EFNA5: variants seen among roughly 807,000 people sequenced by gnomAD.
EFNA5 encodes ephrin A5.
Under a neutral mutation model 22.9 loss-of-function variants are expected in EFNA5, and 5 were observed. The ratio of observed to expected loss-of-function variants is 0.22; its 90% confidence interval spans 0.11 to 0.46. EFNA5 has a LOEUF of 0.46. Among genes scored for constraint, EFNA5 ranks in the 20% least tolerant of loss-of-function variants. The pLI, the probability that EFNA5 is intolerant of heterozygous loss-of-function variation, is 0.99. For missense variants in EFNA5, 237 were observed against 293.3 expected, an observed-to-expected ratio of 0.81 and a Z score of 1.40; for synonymous variants, 113 against 112.2, an observed-to-expected ratio of 1.01 and a Z score of -0.04.
chr5:107,640,634 T>TCC (rs2112543734), intron 1 of EFNA5, among the ~76,000 whole-genome samples: 1 of 152,330 alleles, frequency 6.6e-6, no homozygotes, highest in African/African-American at 2.4e-5. Flanking sequence ...AGAGAGATCA[T>TCC]TCAGCTTCAC....
intron 1 of EFNA5, among the ~76,000 whole-genome samples, chr5:107,465,179 A>T (rs746517718): frequency 6.6e-6 from 1 of 152,002 alleles, no homozygotes; most frequent in Non-Finnish European, 1.5e-5. Context: ...GTGTGACCCA[A>T]TTTATGACTT....
At chr5:107,568,191 C>G (rs912203873) in intron 1 of EFNA5, among the ~76,000 whole-genome samples, 3 of 152,182 alleles carry the variant, frequency 2.0e-5, no homozygotes. Context: ...GCCACTGTGC[C>G]TGGCCTATAT....
intron 1 of EFNA5, among the ~76,000 whole-genome samples, chr5:107,609,681 C>A (rs142052528): frequency 6.6e-6 from 1 of 152,212 alleles, no homozygotes; most frequent in African/African-American, 2.4e-5. Flanking sequence ...CGGATCTCTG[C>A]TAAAATTGTT....
At chr5:107,469,056 A>G (rs1750067311) in intron 1 of EFNA5, among the ~76,000 whole-genome samples, 1 of 152,210 alleles carries the variant, frequency 6.6e-6, no homozygotes, top group African/African-American at 2.4e-5. Flanking sequence ...AGTGCTTAGC[A>G]TTTTGAATTT....
chr5:107,649,005 A>C (rs897589987), intron 1 of EFNA5, among the ~76,000 whole-genome samples: 1 of 152,134 alleles, frequency 6.6e-6, no homozygotes, highest in Non-Finnish European at 1.5e-5. Flanking sequence ...GTTGAAAATG[A>C]CCTCCCAGAA....
chr5:107,402,024 CT>C (rs1748099810), intron 2 of EFNA5, among the ~76,000 whole-genome samples: 1 of 152,196 alleles, frequency 6.6e-6, no homozygotes, highest in Non-Finnish European at 1.5e-5. Context: ...GAAAAAGGCA[CT>C]TCATAAAAGC....
At chr5:107,443,145 A>G (rs942195619) in intron 1 of EFNA5, among the ~76,000 whole-genome samples, 12 of 152,194 alleles carry the variant, frequency 7.9e-5, no homozygotes, top group African/African-American at 2.9e-4. Flanking sequence ...ATCGACCAGC[A>G]ACACAAATGA....
chr5:107,452,967 TTTC>T, intron 1 of EFNA5, among the ~76,000 whole-genome samples: 2 of 152,296 alleles, frequency 1.3e-5, no homozygotes, highest in South Asian at 4.1e-4. Flanking sequence ...GATTTCTTTC[TTTC>T]TTCTTTTTAA....
intron 1 of EFNA5, among the ~76,000 whole-genome samples, chr5:107,561,115 G>C (rs1334348497): frequency 3.3e-5 from 5 of 152,066 alleles, no homozygotes; most frequent in Admixed American, 3.3e-4. Context: ...CCTCTTTACA[G>C]GCCTGATGAG....
chr5:107,398,676 G>A (rs935724586), intron 2 of EFNA5, among the ~76,000 whole-genome samples: 1 of 151,578 alleles, frequency 6.6e-6, no homozygotes, highest in African/African-American at 2.4e-5. Flanking sequence ...GCAAGACCCT[G>A]TCTCTATATA....
chr5:107,442,940 A>C (rs529276317), intron 1 of EFNA5, among the ~76,000 whole-genome samples: 3 of 151,720 alleles, frequency 2.0e-5, no homozygotes, highest in East Asian at 3.9e-4. Flanking sequence ...AAAAAAAAAA[A>C]AAAAAAAAAA....
intron 1 of EFNA5, among the ~76,000 whole-genome samples, chr5:107,514,420 T>C (rs1747435078): frequency 6.6e-6 from 1 of 152,202 alleles, no homozygotes; most frequent in African/African-American, 2.4e-5. Context: ...TACTGTTTCA[T>C]GTGAACTGAT....
intron 1 of EFNA5, among the ~76,000 whole-genome samples, chr5:107,492,218 T>G (rs1029898947): frequency 2.6e-5 from 4 of 152,174 alleles, no homozygotes; most frequent in African/African-American, 7.2e-5. Flanking sequence ...TTATTCAGTC[T>G]TATAAAGTTA....
intron 2 of EFNA5, among the ~76,000 whole-genome samples, chr5:107,408,938 A>C (rs181441904): frequency 1.8e-4 from 27 of 152,374 alleles, no homozygotes; most frequent in African/African-American, 6.0e-4. Context: ...CTGAAGAAAG[A>C]AGCAAAAGGT....
intron 2 of EFNA5, among the ~76,000 whole-genome samples, chr5:107,414,235 T>C (rs1373809192): frequency 6.6e-6 from 1 of 152,186 alleles, no homozygotes; most frequent in Non-Finnish European, 1.5e-5. Flanking sequence ...GATCACGAAA[T>C]TTGGGATAGC....
intron 1 of EFNA5, among the ~76,000 whole-genome samples, chr5:107,492,413 G>A (rs1356612836): frequency 6.6e-6 from 1 of 152,136 alleles, no homozygotes; most frequent in Non-Finnish European, 1.5e-5. Flanking sequence ...CATTATAAAA[G>A]TTAGTGAATT....
chr5:107,499,408 T>G (rs1460059689), intron 1 of EFNA5, among the ~76,000 whole-genome samples: 1 of 152,238 alleles, frequency 6.6e-6, no homozygotes, highest in Non-Finnish European at 1.5e-5. Flanking sequence ...TTGCTTATTA[T>G]TCTATGAGTC....
chr5:107,531,136 G>C (rs554040862), intron 1 of EFNA5, among the ~76,000 whole-genome samples: 2 of 152,142 alleles, frequency 1.3e-5, no homozygotes, highest in Admixed American at 1.3e-4. Context: ...AGTCAAAAGA[G>C]GGATAAGTCT....
At position 107,634,655 on chromosome 5, in the gene EFNA5, T is replaced by C. The variant is rs1750334743; in HGVS notation, c.125+35834A>G. Among the ~76,000 whole-genome samples the C allele has an allele frequency of 1.4e-5, 2 of 146,260 alleles. 1 individual carries two copies. The highest frequency in any genetic ancestry group is 4.4e-4 in the South Asian group (2 of 4,576). ...AGTATCTGATATCAGGTGGATGTTC[T>C]TTACCCACATAGGCAGACTAAGTTT... On this transcript the variant is annotated intron_variant, in intron 1 of 4. Transcript: ENST00000333274.
Sources: gnomAD v4.1 joint callset for allele counts (sites outside exome capture counted in the v4.1 genomes callset) on GRCh38, gnomAD v4.1.1 for gene constraint, MANE v1.5 for transcripts, NCBI Gene and HGNC (gene_info 2026-07-23, HGNC 2026-07-21) for gene names.